ZNF184: variants seen among roughly 807,000 people sequenced by gnomAD.
ZNF184 encodes the protein zinc finger protein 184.
A neutral mutation model predicts 54.4 loss-of-function variants in ZNF184; 16 were observed. The ratio of observed to expected loss-of-function variants is 0.29; its 90% confidence interval spans 0.20 to 0.45. The LOEUF (loss-of-function observed/expected upper bound fraction) is 0.45. ZNF184 is among the 20% of genes least tolerant of loss of function. The pLI, the probability that ZNF184 is intolerant of heterozygous loss-of-function variation, is 1.00. For missense variants in ZNF184, 681 were observed against 888.2 expected (o/e 0.77, Z 2.97); for synonymous variants, 254 against 295.3 (o/e 0.86, Z 1.43).
the ZNF184 span, chr6:27,404,374 A>C: frequency 6.6e-6 from 1 of 152,232 alleles, no homozygotes; most frequent in African/African-American, 2.4e-5. Context: ...CCTAGTATAC[A>C]GCAGTTTCTC....
the ZNF184 span, among the ~76,000 whole-genome samples, chr6:27,441,004 CAAAAAAAT>C: frequency 2.7e-5 from 4 of 150,098 alleles, no homozygotes; most frequent in Non-Finnish European, 5.9e-5. Flanking sequence ...GACTCTGTCT[CAAAAAAAT>C]AAATAAATAA....
chr6:27,410,678 C>T, the ZNF184 span, among the ~76,000 whole-genome samples: 3 of 152,068 alleles, frequency 2.0e-5, 1 homozygote, highest in Non-Finnish European at 4.4e-5. Context: ...ACCACAGGTG[C>T]GCACCACCAC....
At chr6:27,416,499 C>T in the ZNF184 span, among the ~76,000 whole-genome samples, 1 of 152,326 alleles carries the variant, frequency 6.6e-6, no homozygotes, top group South Asian at 2.1e-4. Context: ...GCCCACTTCT[C>T]TGGTATCATG....
At chr6:27,442,802 GAGAAAGAAAGAGAAAGAAAGAA>G in the ZNF184 span, among the ~76,000 whole-genome samples, 24 of 91,038 alleles carry the variant, frequency 2.6e-4, 5 homozygotes, top group Non-Finnish European at 4.8e-4. Context: ...AAGAAAGAAA[GAGAAAGAAAGAGAAAGAAAGAA>G]AGAAAGAAAG....
the ZNF184 span, chr6:27,406,430 C>G: frequency 6.6e-6 from 1 of 152,248 alleles, no homozygotes; most frequent in African/African-American, 2.4e-5. Flanking sequence ...TCTATGCAGC[C>G]TTCCCTGGAA....
chr6:27,411,038 G>C, the ZNF184 span, among the ~76,000 whole-genome samples: 1 of 152,202 alleles, frequency 6.6e-6, no homozygotes, highest in Non-Finnish European at 1.5e-5. Context: ...CTTGTGTGGA[G>C]TAATTTATAA....
At chr6:27,466,726 T>A (rs1763149211) in intron 3 of ZNF184, among the ~76,000 whole-genome samples, 1 of 152,008 alleles carries the variant, frequency 6.6e-6, no homozygotes, top group Admixed American at 6.6e-5. Flanking sequence ...GAAGAACTGG[T>A]ACCATTTCTT....
At chr6:27,427,116 T>TAAAAAAAAAAAAAAAA in the ZNF184 span, among the ~76,000 whole-genome samples, 1 of 106,908 alleles carries the variant, frequency 9.4e-6, no homozygotes, top group Non-Finnish European at 1.8e-5. Context: ...ACACTCTATG[T>TAAAAAAAAAAAAAAAA]AAAAAAAAAA....
the ZNF184 span, among the ~76,000 whole-genome samples, chr6:27,426,391 C>T: frequency 6.6e-6 from 1 of 152,132 alleles, no homozygotes; most frequent in African/African-American, 2.4e-5. The surrounding 1 kb of genome is among the most constrained non-coding windows in gnomAD (Gnocchi z 4.2). Flanking sequence ...GAATCTAATC[C>T]TTCTCTTTTT....
At chr6:27,456,474 C>T (rs1050500852) in intron 5 of ZNF184, among the ~76,000 whole-genome samples, 2 of 151,782 alleles carry the variant, frequency 1.3e-5, no homozygotes, top group Non-Finnish European at 2.9e-5. Context: ...GAATGGAGCC[C>T]GTAGATCCAA....
intron 3 of ZNF184, 112 bp downstream of exon 3, chr6:27,467,741 C>G: frequency 2.0e-6 from 2 of 995,322 alleles, no homozygotes; most frequent in Non-Finnish European, 1.5e-6. Context: ...GATGAGAGCC[C>G]AGAATGAACT....
At chr6:27,427,886 T>C in the ZNF184 span, among the ~76,000 whole-genome samples, 4 of 152,240 alleles carry the variant, frequency 2.6e-5, no homozygotes, top group Non-Finnish European at 5.9e-5. Context: ...CTAAAAAGTC[T>C]GGTAAATGCC....
chr6:27,468,405 A>G (rs1283920196), intron 2 of ZNF184, among the ~76,000 whole-genome samples: 2 of 152,224 alleles, frequency 1.3e-5, no homozygotes, highest in African/African-American at 4.8e-5. Context: ...AAGAATATAA[A>G]GCAATTAGAA....
At chr6:27,408,058 T>G in the ZNF184 span, 1 of 855,128 alleles carries the variant, frequency 1.2e-6, no homozygotes, top group East Asian at 2.4e-5. Context: ...GATTGAATAC[T>G]TTGATAATGC....
In ZNF184 at chr6:27,454,256, C is replaced by T. The variant is rs1376652443; in HGVS notation, c.299-996G>A. Among the ~76,000 whole-genome samples, 36 of 152,060 alleles carry T rather than the reference C, an allele frequency of 2.4e-4. 1 individual carries two copies. Among genetic ancestry groups the T allele is most frequent in the Non-Finnish European group, 4.4e-5 (3 of 68,026 alleles). On this transcript the variant is annotated intron_variant, in intron 5 of 5. Coordinates refer to ENST00000683788, the MANE Select transcript of ZNF184 (RefSeq NM_001318891.2). ...CTGAATCTTTCCCATATTGCAAGCC[C>T]AGTCACTATCACTACCACTACCACT...
intron 3 of ZNF184, among the ~76,000 whole-genome samples, chr6:27,466,921 A>C (rs1204717568): frequency 6.6e-6 from 1 of 152,182 alleles, no homozygotes; most frequent in Non-Finnish European, 1.5e-5. Context: ...TACACAATAA[A>C]GCCTTCAACT....
rs747168494 is a variant in ZNF184 at position 27,465,163 on chromosome 6, TA to T, written c.75+2689del. On this transcript the variant is annotated intron_variant, in intron 3 of 5. Coordinates refer to ENST00000683788, the MANE Select transcript of ZNF184 (RefSeq NM_001318891.2). ...CTGTGAGAAATAAAGTTCTGTTATT[TA>T]AAAAAAAAAGAAAAGAAAAGAAAAG... Among the ~76,000 whole-genome samples the T allele has an allele frequency of 5.7e-3, 806 of 142,268 alleles. 9 individuals are homozygous for T. The highest frequency in any genetic ancestry group is 0.019 in the African/African-American group (723 of 37,754). 93.3% of individuals were successfully genotyped at this position (142,268 alleles called of 152,430 possible). A position where few individuals can be genotyped will look rare whatever the true frequency, so the allele number is the denominator to read the frequency against.
In ZNF184 at chr6:27,473,006, C is replaced by T. The variant is rs1260279303; in HGVS notation, c.-417G>A. ...CCCTCCCCCTATAGCGATCCACACA[C>T]TCTGATCCCGGGTCCGGAAGCGCAT... is the stretch of plus-strand genomic sequence containing the variant. On this transcript the variant is annotated 5_prime_UTR_variant, in exon 1 of 6. In the 5' UTR this introduces an upstream ATG that the reference lacks. Coordinates refer to ENST00000683788, the MANE Select transcript of ZNF184 (RefSeq NM_001318891.2). 1 of 152,414 alleles carries T rather than the reference C, an allele frequency of 6.6e-6. No homozygotes were observed. The highest frequency in any genetic ancestry group is 1.5e-5 in the Non-Finnish European group (1 of 68,210). The allele number at this position is 152,414 out of a possible 1,614,324, so 9.4% of individuals were successfully genotyped here.
the ZNF184 span, among the ~76,000 whole-genome samples, chr6:27,437,205 C>T: frequency 2.6e-5 from 4 of 152,170 alleles, no homozygotes; most frequent in African/African-American, 9.7e-5. Context: ...TAAGATTACT[C>T]ATCAGTTGAC....
Sources: gnomAD v4.1 joint callset for allele counts (sites outside exome capture counted in the v4.1 genomes callset) on GRCh38, gnomAD v4.1.1 for gene constraint, Gnocchi (gnomAD v3.1) non-coding constraint, MANE v1.5 for transcripts, NCBI Gene and HGNC (gene_info 2026-07-23, HGNC 2026-07-21) for gene names.